Variants in PALM2AKAP2 observed in about 807,000 individuals in gnomAD.
PALM2AKAP2 encodes PALM2 and AKAP2 fusion.
In PALM2AKAP2, 37 loss-of-function variants were observed where a neutral mutation model predicts 71.5. The observed-to-expected ratio is 0.52, with a 90% confidence interval of 0.40 to 0.68. PALM2AKAP2 has a LOEUF of 0.68. PALM2AKAP2 is among the 30% of genes least tolerant of loss of function. The probability of loss-of-function intolerance (pLI) is 0.00; values close to 1 mark genes in which losing one functional copy is unlikely to be tolerated. For synonymous variants in PALM2AKAP2, 468 were observed against 478.8 expected, an observed-to-expected ratio of 0.98 and a Z score of 0.29; for missense variants, 1,224 against 1,191.8, an observed-to-expected ratio of 1.03 and a Z score of -0.40.
chr9:109,870,589 C>T (rs1466779494), intron 2 of PALM2AKAP2, among the ~76,000 whole-genome samples: 1 of 152,196 alleles, frequency 6.6e-6, no homozygotes, highest in Non-Finnish European at 1.5e-5. Context: ...TGGGAACAAA[C>T]TCATGAGGTC....
At chr9:109,680,655 A>G (rs746659289) in intron 1 of PALM2AKAP2, among the ~76,000 whole-genome samples, 1 of 152,212 alleles carries the variant, frequency 6.6e-6, no homozygotes, top group Admixed American at 6.5e-5. Context: ...TAAGGCATGT[A>G]TTTTTTATTC....
At chr9:109,744,855 T>C (rs1164023901) in intron 1 of PALM2AKAP2, among the ~76,000 whole-genome samples, 1 of 152,140 alleles carries the variant, frequency 6.6e-6, no homozygotes. Context: ...TTTTGAACAC[T>C]AGGACCCTCC....
exon 4 of PALM2AKAP2, chr9:110,170,589 C>G (rs558551676): frequency 1.3e-5 from 2 of 152,224 alleles, no homozygotes; most frequent in Non-Finnish European, 2.9e-5. Flanking sequence ...TTGGCACCAT[C>G]TTTATATGGT....
At chr9:109,845,324 C>T (rs1420275712) in intron 1 of PALM2AKAP2, among the ~76,000 whole-genome samples, 1 of 152,180 alleles carries the variant, frequency 6.6e-6, no homozygotes, top group Admixed American at 6.5e-5. Context: ...GGACATTTCA[C>T]AGTTTAAGAG....
intron 1 of PALM2AKAP2, among the ~76,000 whole-genome samples, chr9:110,056,062 G>T (rs73657332): frequency 0.043 from 6,594 of 152,216 alleles, 460 homozygotes; most frequent in African/African-American, 0.14. Context: ...CCCAGTAGGG[G>T]GCAGGGAGGG....
chr9:109,721,001 G>A (rs750696486), intron 1 of PALM2AKAP2, among the ~76,000 whole-genome samples: 26 of 152,182 alleles, frequency 1.7e-4, no homozygotes, highest in Non-Finnish European at 3.1e-4. Flanking sequence ...AGGGAGAGCA[G>A]AATGTAGACA....
chr9:110,110,639 C>A (rs547497118), intron 1 of PALM2AKAP2, among the ~76,000 whole-genome samples: 2 of 150,810 alleles, frequency 1.3e-5, no homozygotes, highest in Non-Finnish European at 3.0e-5. Context: ...CTCTGCCTCC[C>A]GGGTTCAAGC....
chr9:109,819,691 A>ATG lies in PALM2AKAP2; in HGVS notation c.45+39170_45+39171dup, dbSNP rs113678587. Among the ~76,000 whole-genome samples the ATG allele has an allele frequency of 8.2e-3, 1,193 of 145,870 alleles. 10 individuals carry two copies. Among genetic ancestry groups the ATG allele is most frequent in the East Asian group, 0.038 (189 of 4,916 alleles). On this transcript the variant is annotated intron_variant, in intron 1 of 9. Coordinates refer to the PALM2AKAP2 transcript ENST00000302798. Reference sequence around the variant, plus strand: ...CACACACGTAAATAAAGGCCTAATTATGTGTGTGTGTGTATGTGTGTGTGT... The same window carrying ATG: ...CACACACGTAAATAAAGGCCTAATTATGTGTGTGTGTGTGTATGTGTGTGTGT...
In PALM2AKAP2 at chr9:110,112,747, A is replaced by G. The variant is rs547884914; in HGVS notation, c.157-23380A>G. On this transcript the variant is annotated intron_variant, in intron 1 of 3. Coordinates refer to ENST00000374525, the Ensembl canonical transcript of PALM2AKAP2. Reference sequence around the variant, plus strand: ...CTGAGACAGATTTTCCTCCAGTTCAATCCCAGCTTTAGCACTTATGGCTGG... The same window carrying G: ...CTGAGACAGATTTTCCTCCAGTTCAGTCCCAGCTTTAGCACTTATGGCTGG... Among the ~76,000 whole-genome samples, 65 of 152,368 alleles carry G rather than the reference A, an allele frequency of 4.3e-4. 2 individuals carry two copies. The highest frequency in any genetic ancestry group is 1.4e-3 in the African/African-American group (59 of 41,588).
intron 1 of PALM2AKAP2, among the ~76,000 whole-genome samples, chr9:109,807,291 A>G (rs1455212571): frequency 6.6e-6 from 1 of 152,206 alleles, no homozygotes; most frequent in Non-Finnish European, 1.5e-5. Context: ...TGTTAAGTTC[A>G]ATTTTTGGAG....
intron 1 of PALM2AKAP2, among the ~76,000 whole-genome samples, chr9:109,688,360 T>G (rs1827832513): frequency 6.6e-6 from 1 of 152,216 alleles, no homozygotes; most frequent in Non-Finnish European, 1.5e-5. Flanking sequence ...CCCATACTGG[T>G]CTGTGAACCA....
intron 1 of PALM2AKAP2, among the ~76,000 whole-genome samples, chr9:109,821,080 C>T (rs188540808): frequency 3.4e-3 from 520 of 152,274 alleles, no homozygotes; most frequent in Admixed American, 5.3e-3. Context: ...GAAAGTGCTC[C>T]CCTGTCCCCA....
At chr9:110,061,188 A>G (rs1588084836) in intron 1 of PALM2AKAP2, among the ~76,000 whole-genome samples, 1 of 152,350 alleles carries the variant, frequency 6.6e-6, no homozygotes, top group East Asian at 1.9e-4. Flanking sequence ...GCCTGAAAAT[A>G]TGCTAACAAG....
intron 1 of PALM2AKAP2, among the ~76,000 whole-genome samples, chr9:109,759,562 G>T (rs762672721): frequency 6.6e-6 from 1 of 152,030 alleles, no homozygotes; most frequent in East Asian, 1.9e-4. Flanking sequence ...TAAGATATTG[G>T]TGACAGTAGA....
chr9:109,834,968 A>G (rs541060903), intron 1 of PALM2AKAP2, among the ~76,000 whole-genome samples: 1 of 152,094 alleles, frequency 6.6e-6, no homozygotes, highest in Non-Finnish European at 1.5e-5. Context: ...AAGGATGAAC[A>G]ATACTTCTCA....
chr9:109,983,540 A>T (rs1171242384), intron 6 of PALM2AKAP2, among the ~76,000 whole-genome samples: 2 of 152,160 alleles, frequency 1.3e-5, no homozygotes, highest in Non-Finnish European at 2.9e-5. Flanking sequence ...GGCTTGCAGA[A>T]ATGGAAACTA....
chr9:109,906,860 G>A (rs761507712), intron 3 of PALM2AKAP2, among the ~76,000 whole-genome samples: 33 of 152,072 alleles, frequency 2.2e-4, no homozygotes, highest in Non-Finnish European at 4.0e-4. Context: ...GTTACTTTCC[G>A]AATCAGACTC....
intron 1 of PALM2AKAP2, among the ~76,000 whole-genome samples, chr9:109,727,571 A>G (rs1225824459): frequency 6.6e-6 from 1 of 152,224 alleles, no homozygotes; most frequent in Non-Finnish European, 1.5e-5. Flanking sequence ...TGAGGCAGGT[A>G]GAGATGACAA....
intron 1 of PALM2AKAP2, among the ~76,000 whole-genome samples, chr9:109,851,794 AC>A (rs1564180031): frequency 6.6e-6 from 1 of 152,052 alleles, no homozygotes; most frequent in South Asian, 2.1e-4. Context: ...AGAAAAGTAA[AC>A]CCCCAAAGCA....
Sources: gnomAD v4.1 joint callset for allele counts (sites outside exome capture counted in the v4.1 genomes callset) on GRCh38, gnomAD v4.1.1 for gene constraint, MANE v1.5 for transcripts, NCBI Gene and HGNC (gene_info 2026-07-23, HGNC 2026-07-21) for gene names.